SPECC1L: variants seen among roughly 807,000 people sequenced by gnomAD.
The protein encoded by SPECC1L is cytospin-A.
In SPECC1L, 40 loss-of-function variants were observed where a neutral mutation model predicts 116.8. The observed-to-expected ratio is 0.34, with a 90% confidence interval of 0.27 to 0.45. The LOEUF (loss-of-function observed/expected upper bound fraction) is 0.45. Ranked by LOEUF, SPECC1L falls within the 20% of genes least tolerant of loss-of-function variation. The probability of loss-of-function intolerance (pLI) is 1.00; values close to 1 mark genes in which losing one functional copy is unlikely to be tolerated. For synonymous variants in SPECC1L, 504 were observed against 500.6 expected (o/e 1.01, Z -0.09); for missense variants, 1,110 against 1,373.6 (o/e 0.81, Z 3.03).
chr22:24,412,829 A>G (rs1044154483), intron 16 of SPECC1L, 122 bp downstream of exon 16: 18 of 1,063,080 alleles, frequency 1.7e-5, no homozygotes, highest in Non-Finnish European at 2.6e-5. Flanking sequence ...AAAGGCAGCT[A>G]TGGGGTGCTC....
At chr22:24,324,055 T>C (rs1436612763) in intron 5 of SPECC1L, among the ~76,000 whole-genome samples, 165 bp from the exon 6 acceptor site, 1 of 152,210 alleles carries the variant, frequency 6.6e-6, no homozygotes, top group African/African-American at 2.4e-5. Flanking sequence ...AATCTTACCA[T>C]GGAGTGCTTT....
intron 7 of SPECC1L, among the ~76,000 whole-genome samples, chr22:24,330,015 A>G (rs961105041): frequency 6.6e-6 from 1 of 152,158 alleles, no homozygotes; most frequent in Non-Finnish European, 1.5e-5. Flanking sequence ...CACTCTGAGT[A>G]CTTGATGCCT....
At position 24,338,431 on chromosome 22, in the gene SPECC1L, C is replaced by T. The variant is rs146433274; in HGVS notation, c.2606C>T (p.Pro869Leu). The T allele has an allele frequency of 3.0e-5, 48 of 1,613,966 alleles. No individual in the cohort carries two copies. Among genetic ancestry groups the T allele is most frequent in the Non-Finnish European group, 3.6e-5 (43 of 1,180,010 alleles). Residue 869 changes from proline (P) to leucine (L), a missense_variant, in exon 10 of 17, where the codon CCA becomes CTA. Pro to Leu is a moderately conservative substitution (Grantham distance 98). This residue lies in a region of SPECC1L where 575 missense variants were observed against 682.4 expected (regional missense o/e 0.84). Coordinates refer to ENST00000314328, the MANE Select transcript of SPECC1L (RefSeq NM_015330.6). Reference sequence around the variant, plus strand: ...GCAATTCCTCGAACGCCCCTGAGCCCAAGTCCTATGAAAACCCCTCCTGCA... The same window carrying T: ...GCAATTCCTCGAACGCCCCTGAGCCTAAGTCCTATGAAAACCCCTCCTGCA... The part of the protein sequence containing the change: ...AAAIPRTPLS[P>L]SPMKTPPAAA...
chr22:24,332,059 A>G (rs2040949597), intron 8 of SPECC1L, among the ~76,000 whole-genome samples: 1 of 152,186 alleles, frequency 6.6e-6, no homozygotes, highest in Non-Finnish European at 1.5e-5. Context: ...TTTTCATGGA[A>G]TGCCATTTTT....
chr22:24,323,449 C>G (rs2040760325), intron 5 of SPECC1L, among the ~76,000 whole-genome samples: 1 of 152,200 alleles, frequency 6.6e-6, no homozygotes, highest in Non-Finnish European at 1.5e-5. Context: ...TAGCAATTAT[C>G]AGTCCAGACC....
At chr22:24,298,595 G>C (rs2049314082) in intron 2 of SPECC1L, among the ~76,000 whole-genome samples, 1 of 152,172 alleles carries the variant, frequency 6.6e-6, no homozygotes, top group African/African-American at 2.4e-5. Flanking sequence ...AAAACCAGGA[G>C]AGCCACCGAT....
chr22:24,370,972 A>G (rs1329708901), intron 14 of SPECC1L, among the ~76,000 whole-genome samples: 3 of 152,218 alleles, frequency 2.0e-5, no homozygotes, highest in Non-Finnish European at 4.4e-5. Flanking sequence ...ACAAAATGAA[A>G]AAAGTACTGG....
At chr22:24,317,285 G>A (rs1427061775) in intron 4 of SPECC1L, among the ~76,000 whole-genome samples, 1 of 118,076 alleles carries the variant, frequency 8.5e-6, no homozygotes, top group Non-Finnish European at 1.9e-5. Context: ...CCTCCCTCCC[G>A]GACGGGGCGG....
chr22:24,388,748 T>A (rs1193169224), intron 14 of SPECC1L, among the ~76,000 whole-genome samples: 1 of 151,870 alleles, frequency 6.6e-6, no homozygotes, highest in Non-Finnish European at 1.5e-5. Context: ...TTCCAGAGAT[T>A]AAGACATCAA....
chr22:24,358,551 G>A (rs1234597980), intron 11 of SPECC1L, among the ~76,000 whole-genome samples: 1 of 152,124 alleles, frequency 6.6e-6, no homozygotes, highest in Non-Finnish European at 1.5e-5. Flanking sequence ...CAGCTCTTTG[G>A]AGCATGAGTA....
At chr22:24,400,146 G>A (rs139851814) in intron 14 of SPECC1L, among the ~76,000 whole-genome samples, 176 of 152,310 alleles carry the variant, frequency 1.2e-3, no homozygotes, top group African/African-American at 4.0e-3. Flanking sequence ...AGCATTAAGT[G>A]CATTTGCAAT....
At chr22:24,333,267 G>C (rs1327195904) in intron 8 of SPECC1L, among the ~76,000 whole-genome samples, 1 of 152,068 alleles carries the variant, frequency 6.6e-6, no homozygotes, top group Non-Finnish European at 1.5e-5. Context: ...ACAGCTAAAT[G>C]ACCTTAAGAG....
intron 1 of SPECC1L, among the ~76,000 whole-genome samples, chr22:24,272,968 G>A (rs986507000): frequency 2.6e-5 from 4 of 152,158 alleles, no homozygotes; most frequent in African/African-American, 4.8e-5. Flanking sequence ...TTGTGCCATA[G>A]GAAAGCTTTA....
At chr22:24,334,227 T>C (rs974102800) in intron 8 of SPECC1L, among the ~76,000 whole-genome samples, 183 bp from the exon 9 acceptor site, 2 of 151,900 alleles carry the variant, frequency 1.3e-5, no homozygotes, top group Non-Finnish European at 2.9e-5. Context: ...TTAGCCAAGA[T>C]GGTCTCGATC....
In SPECC1L at chr22:24,322,492, T is replaced by G. The variant is rs772959050; in HGVS notation, c.1512T>G (p.Phe504Leu). ...TGGACCTCGCTGAGAATGCCCGTTT[T>G]GAACGGGAGCAGCTTCTTGGTGTCC... ...RYMDLAENAR[F>L]EREQLLGVQQ... Residue 504 changes from phenylalanine to leucine, a missense_variant, in exon 5 of 17, where the codon TTT (phenylalanine) becomes TTG (leucine). By Grantham distance (22) the Phe-to-Leu change is conservative. Around this residue, in one of 4 missense-constraint regions of SPECC1L, gnomAD observed 575 missense variants for 682.4 expected, o/e 0.84. Transcript: ENST00000314328. The G allele has an allele frequency of 1.2e-6, 2 of 1,614,172 alleles. No individual in the cohort carries two copies.
At chr22:24,393,640 C>T (rs563186060) in intron 14 of SPECC1L, among the ~76,000 whole-genome samples, 2 of 152,198 alleles carry the variant, frequency 1.3e-5, no homozygotes, top group East Asian at 3.9e-4. Context: ...TGTTTGTGGC[C>T]TTGGGCTTCC....
In SPECC1L at chr22:24,416,627, G is replaced by T. The variant is rs1050351254; in HGVS notation, c.*2004G>T. ...TTTGGTTTATTTATTTTGTCCTTCA[G>T]GGGCTGTTTTGCCCTAAGAATGAGG... On this transcript the variant is annotated 3_prime_UTR_variant, in exon 17 of 17. Transcript: ENST00000314328. The T allele has an allele frequency of 6.6e-6, 1 of 152,278 alleles. No individual in the cohort carries two copies. Among genetic ancestry groups the T allele is most frequent in the Admixed American group, 6.5e-5 (1 of 15,292 alleles). The allele number at this position is 152,278 out of a possible 1,614,324, so 9.4% of individuals were successfully genotyped here. A position where few individuals can be genotyped will look rare whatever the true frequency, so the allele number is the denominator to read the frequency against.
At chr22:24,345,885 CAT>C (rs1377773150) in intron 10 of SPECC1L, among the ~76,000 whole-genome samples, 1 of 152,108 alleles carries the variant, frequency 6.6e-6, no homozygotes, top group East Asian at 1.9e-4. Flanking sequence ...ACAAGAAAAA[CAT>C]AGACAAGCAA....
At chr22:24,328,984 T>C (rs2040883106) in intron 7 of SPECC1L, 65 bp downstream of exon 7, 1 of 1,192,288 alleles carries the variant, frequency 8.4e-7, no homozygotes, top group Non-Finnish European at 1.2e-6. Flanking sequence ...GGTGTAGTCA[T>C]TGACCATGTT....
Sources: gnomAD v4.1 joint callset for allele counts (sites outside exome capture counted in the v4.1 genomes callset) on GRCh38, gnomAD v4.1.1 for gene constraint, gnomAD v4.1.1 regional missense constraint, MANE v1.5 for transcripts, NCBI Gene and HGNC (gene_info 2026-07-23, HGNC 2026-07-21) for gene names.